Variants in BCAT1 observed in about 807,000 individuals in gnomAD.
BCAT1 encodes branched chain amino acid transaminase 1, also known as branched-chain-amino-acid aminotransferase, cytosolic.
Under a neutral mutation model 52.4 loss-of-function variants are expected in BCAT1, and 48 were observed. The ratio of observed to expected loss-of-function variants is 0.92; its 90% confidence interval spans 0.73 to 1.16. The LOEUF (loss-of-function observed/expected upper bound fraction) is 1.16, where lower values mean the gene tolerates loss of function less well. Among genes scored for constraint, BCAT1 ranks in the 50% most tolerant of loss-of-function variants. The probability of loss-of-function intolerance (pLI) is 0.00; values close to 1 mark genes in which losing one functional copy is unlikely to be tolerated. For synonymous variants in BCAT1, 167 were observed against 161.3 expected (o/e 1.04, Z -0.27); for missense variants, 451 against 457.1 (o/e 0.99, Z 0.12).
intron 5 of BCAT1, among the ~76,000 whole-genome samples, chr12:24,861,898 G>T (rs1941857636): frequency 6.6e-6 from 1 of 152,152 alleles, no homozygotes. Flanking sequence ...ATTGACCTCT[G>T]GTCATCCTCA....
intron 5 of BCAT1, among the ~76,000 whole-genome samples, chr12:24,877,390 C>T (rs1473968274): frequency 2.0e-5 from 3 of 152,212 alleles, no homozygotes; most frequent in Non-Finnish European, 4.4e-5. Flanking sequence ...ATACCAGAGA[C>T]AGGTGACAGG....
chr12:24,949,085 G>T lies in BCAT1; in HGVS notation c.-153C>A. 1 of 693,690 alleles carries T rather than the reference G, an allele frequency of 1.4e-6. No individual in the cohort carries two copies. Among genetic ancestry groups the T allele is most frequent in the Non-Finnish European group, 2.4e-6 (1 of 415,398 alleles). 43.0% of individuals were successfully genotyped at this position (693,690 alleles called of 1,614,324 possible). On this transcript the variant is annotated 5_prime_UTR_variant, in exon 1 of 11. Coordinates refer to ENST00000261192, the MANE Select transcript of BCAT1 (RefSeq NM_005504.7). ...GTGCCCGAGGCGGCGGCGAGTACAC[G>T]TGGCGGGCTGGATTGCAGACCGGCC...
intron 10 of BCAT1, among the ~76,000 whole-genome samples, chr12:24,825,647 T>A (rs568803459): frequency 3.3e-5 from 5 of 152,242 alleles, no homozygotes; most frequent in Non-Finnish European, 5.9e-5. Flanking sequence ...TTAATCAAAT[T>A]TTTTTTTCTG....
At chr12:24,870,215 T>C (rs764098621) in intron 5 of BCAT1, among the ~76,000 whole-genome samples, 17 of 152,150 alleles carry the variant, frequency 1.1e-4, no homozygotes, top group Non-Finnish European at 2.5e-4. Flanking sequence ...GTCCTAAACT[T>C]AGAAGCATTG....
intron 10 of BCAT1, among the ~76,000 whole-genome samples, chr12:24,829,461 G>A (rs1449864913): frequency 6.6e-6 from 1 of 152,156 alleles, no homozygotes; most frequent in Non-Finnish European, 1.5e-5. Flanking sequence ...TTTTCTTCCT[G>A]AAGTTGCTTC....
chr12:24,879,737 G>C (rs1466460827), intron 4 of BCAT1, among the ~76,000 whole-genome samples: 1 of 152,156 alleles, frequency 6.6e-6, no homozygotes, highest in Non-Finnish European at 1.5e-5. Flanking sequence ...CTGTCCTTTT[G>C]CTCTTTGTGA....
At chr12:24,824,068 G>T (rs1231492182) in intron 10 of BCAT1, among the ~76,000 whole-genome samples, 1 of 152,054 alleles carries the variant, frequency 6.6e-6, no homozygotes, top group East Asian at 1.9e-4. Context: ...TTCTGCTTTT[G>T]CCTCCTAGAG....
At position 24,810,213 on chromosome 12, in the gene BCAT1, G is replaced by A. The variant is rs1306470670; in HGVS notation, c.*7795C>T. 6.6e-6 allele frequency: 1 copy of A among 152,146 alleles called. No homozygotes were observed. 9.4% of individuals were successfully genotyped at this position (152,146 alleles called of 1,614,324 possible). A position where few individuals can be genotyped will look rare whatever the true frequency, so the allele number is the denominator to read the frequency against. On this transcript the variant is annotated 3_prime_UTR_variant, in exon 11 of 11. Transcript: ENST00000261192. ...CATAGGAAGCATCTACACCTCAGCT[G>A]TCGGCCGTTTGGTTACAGAAATGCG...
intron 7 of BCAT1, among the ~76,000 whole-genome samples, chr12:24,840,366 A>G (rs1425405673): frequency 1.3e-5 from 2 of 152,158 alleles, no homozygotes; most frequent in African/African-American, 4.8e-5. Flanking sequence ...GCAGATGGGA[A>G]GAAGGGTTGA....
chr12:24,902,805 C>T (rs1943148165), intron 1 of BCAT1: 2 of 1,203,996 alleles, frequency 1.7e-6, no homozygotes, highest in Non-Finnish European at 2.3e-6. Context: ...GAAGGGAAGA[C>T]GCCTCGCTGG....
rs779941308 is a variant in BCAT1, at chr12:24,817,977, T to C, written c.*31A>G. 1 of 1,608,582 alleles carries C rather than the reference T, an allele frequency of 6.2e-7. No homozygotes were observed. The highest frequency in any genetic ancestry group is 1.7e-5 in the Admixed American group (1 of 59,820). ...TCCCAGTAGCATACAGTTGGTATCC[T>C]CTATTTTCCATTGTATCCTCTATTT... On this transcript the variant is annotated 3_prime_UTR_variant, in exon 11 of 11. Transcript: ENST00000261192.
At chr12:24,840,757 A>G (rs1415555964) in intron 7 of BCAT1, among the ~76,000 whole-genome samples, 1 of 152,226 alleles carries the variant, frequency 6.6e-6, no homozygotes, top group East Asian at 1.9e-4. Context: ...GCCAAATAAC[A>G]TTAGAGCAAG....
At chr12:24,880,952 C>T (rs1040186875) in intron 4 of BCAT1, among the ~76,000 whole-genome samples, 2 of 151,972 alleles carry the variant, frequency 1.3e-5, no homozygotes, top group Non-Finnish European at 2.9e-5. Flanking sequence ...AATTCTCATG[C>T]CTCAGCCACA....
At chr12:24,886,864 G>A (rs1942676225) in intron 3 of BCAT1, among the ~76,000 whole-genome samples, 1 of 146,886 alleles carries the variant, frequency 6.8e-6, no homozygotes, top group Non-Finnish European at 1.5e-5. Context: ...CGGGCATAGT[G>A]GCTCACATGC....
chr12:24,886,978 G>A (rs1445003149), intron 3 of BCAT1, among the ~76,000 whole-genome samples: 1 of 143,380 alleles, frequency 7.0e-6, no homozygotes. Context: ...CAGGAGAATC[G>A]CTTGAACCCA....
At chr12:24,842,004 C>G (rs1236056252) in intron 7 of BCAT1, 78 bp downstream of exon 7, 12 of 1,511,948 alleles carry the variant, frequency 7.9e-6, no homozygotes, top group Non-Finnish European at 1.1e-5. Context: ...CTCCCTTGTA[C>G]TAAGTTTCTA....
chr12:24,825,276 A>G (rs1940343398), intron 10 of BCAT1, among the ~76,000 whole-genome samples: 1 of 152,172 alleles, frequency 6.6e-6, no homozygotes, highest in Admixed American at 6.6e-5. Context: ...TCTTTGATAT[A>G]CTAATTTTTT....
chr12:24,873,611 C>A (rs1942244780), intron 5 of BCAT1, among the ~76,000 whole-genome samples: 1 of 152,188 alleles, frequency 6.6e-6, no homozygotes. Flanking sequence ...CCCTTATCCA[C>A]AAAGCTTCTG....
rs1426481332 is a variant in BCAT1 at position 24,842,092 on chromosome 12, A to C, written c.807T>G (p.Asn269Lys). The C allele has an allele frequency of 1.2e-6, 2 of 1,613,750 alleles. No homozygotes were observed. Among genetic ancestry groups the C allele is most frequent in the Non-Finnish European group, 1.7e-6 (2 of 1,179,792 alleles). Residue 269 changes from asparagine (N) to lysine (K), a missense_variant, in exon 7 of 11, where the codon AAT becomes AAG. By Grantham distance (94) the Asn-to-Lys change is moderately conservative. Transcript: ENST00000261192. ...ATCTGAGTGGATTACCTCCATCTTC[A>C]TTTATCCAGTAAAGAAAAAGATTCA... Reference protein sequence around the residue: ...GTMNLFLYWINEDGEEELATP... With the variant: ...GTMNLFLYWIKEDGEEELATP...
Sources: allele counts gnomAD v4.1 joint callset (sites outside exome capture counted in the v4.1 genomes callset), GRCh38; gene constraint gnomAD v4.1.1; transcripts MANE v1.5; gene names NCBI Gene and HGNC (gene_info 2026-07-23, HGNC 2026-07-21).